TMEM232: variants seen among roughly 807,000 people sequenced by gnomAD.
TMEM232 encodes the protein transmembrane protein 232.
TMEM232 carries 80 observed loss-of-function variants against 78.8 expected under a neutral mutation model. The observed-to-expected ratio is 1.01, with a 90% CI of 0.85 to 1.22. The LOEUF is 1.22. Ranked by LOEUF, TMEM232 falls within the 50% of genes most tolerant of loss-of-function variation. The pLI, the probability that TMEM232 is intolerant of heterozygous loss-of-function variation, is 0.00. For synonymous variants in TMEM232, 297 were observed against 254.3 expected (o/e 1.17, Z -1.60); for missense variants, 881 against 742.2 (o/e 1.19, Z -2.17).
chr5:110,585,223 G>C (rs180973002), intron 10 of TMEM232, among the ~76,000 whole-genome samples: 1 of 152,202 alleles, frequency 6.6e-6, no homozygotes, highest in African/African-American at 2.4e-5. Flanking sequence ...CCATACAAGG[G>C]AATAAACAGA....
chr5:110,493,569 G>A (rs947128989), intron 12 of TMEM232, among the ~76,000 whole-genome samples: 6 of 152,014 alleles, frequency 3.9e-5, no homozygotes, highest in Non-Finnish European at 7.4e-5. Context: ...GGCATTGGCT[G>A]ATCAATGTGA....
At chr5:110,623,380 G>C (rs1031990060) in intron 7 of TMEM232, among the ~76,000 whole-genome samples, 8 of 152,154 alleles carry the variant, frequency 5.3e-5, no homozygotes, top group Non-Finnish European at 1.0e-4. Flanking sequence ...AGTGGCCAAA[G>C]TATAGTGCTA....
At chr5:110,660,054 C>A (rs991070243) in intron 2 of TMEM232, among the ~76,000 whole-genome samples, 2 of 152,004 alleles carry the variant, frequency 1.3e-5, no homozygotes, top group Non-Finnish European at 2.9e-5. Context: ...AAGAAAGATA[C>A]ATCCATAGAT....
chr5:110,665,774 G>A (rs1167717344), intron 2 of TMEM232, among the ~76,000 whole-genome samples: 1 of 151,304 alleles, frequency 6.6e-6, no homozygotes, highest in Non-Finnish European at 1.5e-5. Context: ...TTAAAACTGA[G>A]CCAGGCACAG....
intron 7 of TMEM232, among the ~76,000 whole-genome samples, chr5:110,620,725 C>G (rs183874359): frequency 1.3e-5 from 2 of 150,184 alleles, no homozygotes; most frequent in Non-Finnish European, 3.0e-5. Context: ...TGTCTAATTG[C>G]AGATGTGCTC....
rs186065916 is a variant in TMEM232, at chr5:110,663,769, G to A, written c.125+3459C>T. Among the ~76,000 whole-genome samples, 1,467 of 150,776 alleles carry A rather than the reference G, an allele frequency of 9.7e-3. 22 individuals carry two copies. Among genetic ancestry groups the A allele is most frequent in the African/African-American group, 0.034 (1,374 of 40,852 alleles). Reference sequence around the variant, plus strand: ...TATGTGTGTGTGTGTGTGTGTGTGTGTGTGTATATACAATATTCAGATACT... The same window carrying A: ...TATGTGTGTGTGTGTGTGTGTGTGTATGTGTATATACAATATTCAGATACT... On this transcript the variant is annotated intron_variant, in intron 2 of 13. Coordinates refer to ENST00000455884, the MANE Select transcript of TMEM232 (RefSeq NM_001039763.4).
intron 13 of TMEM232, 123 bp from the exon 14 acceptor site, chr5:110,420,879 C>A: frequency 7.6e-7 from 1 of 1,322,734 alleles, no homozygotes; most frequent in Non-Finnish European, 9.8e-7. Context: ...TGACATTCCT[C>A]AAAAATTTTA....
intron 1 of TMEM232, among the ~76,000 whole-genome samples, chr5:110,686,781 C>A (rs551935370): frequency 6.6e-6 from 1 of 151,890 alleles, no homozygotes; most frequent in Non-Finnish European, 1.5e-5. Context: ...CTCTGATGTA[C>A]GAAAATAAAA....
At chr5:110,540,290 G>T (rs767819135) in intron 11 of TMEM232, among the ~76,000 whole-genome samples, 1 of 152,122 alleles carries the variant, frequency 6.6e-6, no homozygotes, top group Non-Finnish European at 1.5e-5. Context: ...CCCAGCCACT[G>T]GTATTTTAGT....
rs191618011 is a variant in TMEM232 at position 110,555,612 on chromosome 5, T to A, written c.1455+12835A>T. ...TCAGTGGAGTGTTGAAGTCTCTCAC[T>A]ATTATTATGTGGTTATGTAAGTCTT... On this transcript the variant is annotated intron_variant, in intron 11 of 13. Transcript: ENST00000455884. Among the ~76,000 whole-genome samples the A allele has an allele frequency of 2.6e-5, 4 of 152,328 alleles. No individual in the cohort carries two copies. The East Asian group carries it at 7.7e-4, about 29-fold the overall frequency.
intron 2 of TMEM232, among the ~76,000 whole-genome samples, chr5:110,662,929 CA>C (rs1306574397): frequency 6.6e-6 from 1 of 150,766 alleles, no homozygotes; most frequent in African/African-American, 2.4e-5. Flanking sequence ...TTTTTTTAAC[CA>C]AAATACAAAA....
At chr5:110,453,795 T>TA (rs1050177858) in intron 12 of TMEM232, among the ~76,000 whole-genome samples, 2 of 149,412 alleles carry the variant, frequency 1.3e-5, no homozygotes, top group African/African-American at 4.9e-5. Context: ...TTTCACTTAT[T>TA]AAAAACTAAG....
At chr5:110,653,418 A>G (rs1184007866) in intron 2 of TMEM232, among the ~76,000 whole-genome samples, 1 of 152,184 alleles carries the variant, frequency 6.6e-6, no homozygotes, top group Non-Finnish European at 1.5e-5. Flanking sequence ...TGTTAGTTAT[A>G]AGCATTACTC....
At chr5:110,697,749 T>C (rs910595247) in intron 1 of TMEM232, among the ~76,000 whole-genome samples, 5 of 152,174 alleles carry the variant, frequency 3.3e-5, no homozygotes, top group African/African-American at 9.7e-5. Flanking sequence ...CGCAATGAGA[T>C]ACCATCTCAC....
chr5:110,391,320 T>TGAGAGAGAGAGAGAGA (rs1433740681), intron 3 of TMEM232, among the ~76,000 whole-genome samples: 24 of 139,446 alleles, frequency 1.7e-4, no homozygotes, highest in African/African-American at 6.3e-4. Flanking sequence ...TGTGTGTGTG[T>TGAGAGAGAGAGAGAGA]GTGTGTGAGA....
In TMEM232 at chr5:110,608,053, C is replaced by T. The variant is rs551780591; in HGVS notation, c.903-1766G>A. 7.9e-5 allele frequency among the ~76,000 whole-genome samples: 12 copies of T among 151,908 alleles called. No homozygotes were observed. In the South Asian group the frequency reaches 2.5e-3, roughly 32 times the overall value. ...AGGTTTCTGCCAAATAAGACAAAAT[C>T]CTAATTGATGCACTTAACATGATGC... On this transcript the variant is annotated intron_variant, in intron 8 of 13. Coordinates refer to ENST00000455884, the MANE Select transcript of TMEM232 (RefSeq NM_001039763.4).
intron 11 of TMEM232, among the ~76,000 whole-genome samples, chr5:110,564,899 C>T (rs745386029): frequency 6.6e-6 from 1 of 151,934 alleles, no homozygotes; most frequent in Non-Finnish European, 1.5e-5. Flanking sequence ...AATCCCTAAA[C>T]CAGGTCTACT....
intron 1 of TMEM232, among the ~76,000 whole-genome samples, chr5:110,679,463 C>T (rs1792440277): frequency 6.6e-6 from 1 of 152,126 alleles, no homozygotes; most frequent in Non-Finnish European, 1.5e-5. Context: ...TGATTCCTCA[C>T]AGTCTGTGCC....
rs1347270262 is a variant in TMEM232, at chr5:110,513,269, C to A, written c.1703+15319G>T. 2.0e-5 allele frequency among the ~76,000 whole-genome samples: 3 copies of A among 151,870 alleles called. No homozygotes were observed. The East Asian group carries it at 5.8e-4, about 29-fold the overall frequency. Reference sequence around the variant, plus strand: ...GCTTCCAATAGCACTTCAATGTCAACAAAAGCAAAAATGAACAAGTGGAAT... The same window carrying A: ...GCTTCCAATAGCACTTCAATGTCAAAAAAAGCAAAAATGAACAAGTGGAAT... On this transcript the variant is annotated intron_variant, in intron 12 of 13. Transcript: ENST00000455884.
Sources: allele counts gnomAD v4.1 joint callset (sites outside exome capture counted in the v4.1 genomes callset), GRCh38; gene constraint gnomAD v4.1.1; transcripts MANE v1.5; gene names NCBI Gene and HGNC (gene_info 2026-07-23, HGNC 2026-07-21).